Variants in NXPH1 observed in about 807,000 individuals in gnomAD.
NXPH1 encodes the protein neurexophilin 1.
Under a neutral mutation model 23.7 loss-of-function variants are expected in NXPH1, and 5 were observed. The observed-to-expected ratio is 0.21, with a 90% CI of 0.11 to 0.44. NXPH1 has a LOEUF of 0.44. Ranked by LOEUF, NXPH1 falls within the 20% of genes least tolerant of loss-of-function variation. NXPH1 has a pLI of 0.99. For missense variants in NXPH1, 324 were observed against 321.6 expected, an observed-to-expected ratio of 1.01 and a Z score of -0.06; for synonymous variants, 144 against 122.2, an observed-to-expected ratio of 1.18 and a Z score of -1.18.
chr7:8,599,078 G>A (rs1351744999), intron 2 of NXPH1, among the ~76,000 whole-genome samples: 1 of 152,152 alleles, frequency 6.6e-6, no homozygotes, highest in Non-Finnish European at 1.5e-5. Context: ...AATGGAGGCA[G>A]TAGACATGCA....
At chr7:8,616,667 G>C (rs1036792670) in intron 2 of NXPH1, among the ~76,000 whole-genome samples, 1 of 151,802 alleles carries the variant, frequency 6.6e-6, no homozygotes, top group Non-Finnish European at 1.5e-5. Context: ...CAGCCAGGGG[G>C]GACTGAGGGA....
At chr7:8,727,666 C>A (rs1013744371) in intron 2 of NXPH1, among the ~76,000 whole-genome samples, 13 of 152,098 alleles carry the variant, frequency 8.5e-5, no homozygotes, top group Non-Finnish European at 1.5e-4. Flanking sequence ...GGCATTATTT[C>A]TGAGGGCTCT....
intron 2 of NXPH1, among the ~76,000 whole-genome samples, chr7:8,488,477 A>T (rs1181491679): frequency 6.6e-6 from 1 of 152,140 alleles, no homozygotes; most frequent in Non-Finnish European, 1.5e-5. Context: ...ATCTTATAGA[A>T]ATCAAAATGA....
chr7:8,542,139 AG>A (rs1361035292), intron 2 of NXPH1, among the ~76,000 whole-genome samples: 1 of 151,278 alleles, frequency 6.6e-6, no homozygotes, highest in Non-Finnish European at 1.5e-5. Context: ...AAGAAAAAAA[AG>A]AAAAAATATA....
At chr7:8,692,863 G>A (rs1821242921) in intron 2 of NXPH1, among the ~76,000 whole-genome samples, 1 of 152,132 alleles carries the variant, frequency 6.6e-6, no homozygotes, top group Admixed American at 6.5e-5. Flanking sequence ...GACCCATGCT[G>A]AATGAATGTG....
rs574991834 is a variant in NXPH1, at chr7:8,577,755, G to A, written c.54+141988G>A. On this transcript the variant is annotated intron_variant, in intron 2 of 2. Coordinates refer to ENST00000405863, the MANE Select transcript of NXPH1 (RefSeq NM_152745.3). ...GCCTGTGTAACTGAACAAGTATTAC[G>A]GAGGTGATGATGTGTGATTTTCAAG... Among the ~76,000 whole-genome samples, 236 of 152,270 alleles carry A rather than the reference G, an allele frequency of 1.5e-3. 1 individual carries two copies. Among genetic ancestry groups the A allele is most frequent in the African/African-American group, 5.5e-3 (229 of 41,536 alleles).
chr7:8,729,062 T>G (rs1780105016), intron 2 of NXPH1, among the ~76,000 whole-genome samples: 2 of 152,152 alleles, frequency 1.3e-5, no homozygotes, highest in Non-Finnish European at 2.9e-5. Flanking sequence ...CCTGGTTTAG[T>G]CTTGGGAGGG....
chr7:8,556,536 G>A (rs1036611085), intron 2 of NXPH1, among the ~76,000 whole-genome samples: 1 of 151,644 alleles, frequency 6.6e-6, no homozygotes, highest in African/African-American at 2.4e-5. Flanking sequence ...AATGAGTTCC[G>A]AGAATGCTCC....
rs543066401 is a variant in NXPH1 at position 8,723,028 on chromosome 7, T to C, written c.55-27980T>C. Among the ~76,000 whole-genome samples the C allele has an allele frequency of 3.9e-5, 6 of 152,310 alleles. No homozygotes were observed. The South Asian group carries it at 1.2e-3, about 32-fold the overall frequency. On this transcript the variant is annotated intron_variant, in intron 2 of 2. Coordinates refer to ENST00000405863, the MANE Select transcript of NXPH1 (RefSeq NM_152745.3). ...GCCAAAAATGCCTTCAATACTCACA[T>C]TTTAATATCGTTTTAATTTGTGCTG...
intron 2 of NXPH1, among the ~76,000 whole-genome samples, chr7:8,658,870 G>T (rs1820625476): frequency 6.6e-6 from 1 of 152,100 alleles, no homozygotes; most frequent in African/African-American, 2.4e-5. Context: ...GGGTAGTTTA[G>T]TTTTGAATGG....
chr7:8,505,390 G>T (rs996915243), intron 2 of NXPH1, among the ~76,000 whole-genome samples: 2 of 151,834 alleles, frequency 1.3e-5, no homozygotes, highest in Admixed American at 1.3e-4. Context: ...TCTATAATTT[G>T]CCCCAGAGTA....
At chr7:8,587,553 G>A (rs1819003609) in intron 2 of NXPH1, among the ~76,000 whole-genome samples, 1 of 152,002 alleles carries the variant, frequency 6.6e-6, no homozygotes, top group Non-Finnish European at 1.5e-5. Context: ...TGTTACATAG[G>A]CATACACGTG....
intron 2 of NXPH1, among the ~76,000 whole-genome samples, chr7:8,558,326 G>A (rs933437110): frequency 4.0e-5 from 6 of 151,658 alleles, no homozygotes; most frequent in African/African-American, 7.2e-5. Context: ...TAATGGAAGC[G>A]AGTTGTAATT....
At chr7:8,532,460 A>AT (rs1260011264) in intron 2 of NXPH1, among the ~76,000 whole-genome samples, 202 of 36,192 alleles carry the variant, frequency 5.6e-3, no homozygotes, top group Admixed American at 0.01. Flanking sequence ...ATCCTTTCAT[A>AT]TTTTTTTTGG....
At chr7:8,625,899 C>G (rs1324813597) in intron 2 of NXPH1, among the ~76,000 whole-genome samples, 1 of 152,160 alleles carries the variant, frequency 6.6e-6, no homozygotes, top group African/African-American at 2.4e-5. Context: ...AAGTTTCAAA[C>G]AATGAGTCAG....
At chr7:8,445,100 G>C (rs17148792) in intron 2 of NXPH1, among the ~76,000 whole-genome samples, 2,353 of 152,314 alleles carry the variant, frequency 0.015, 62 homozygotes, top group African/African-American at 0.054. Context: ...ATCCAGTGGA[G>C]AGCTCTTTTA....
At chr7:8,594,280 A>T (rs1282390778) in intron 2 of NXPH1, among the ~76,000 whole-genome samples, 2 of 152,008 alleles carry the variant, frequency 1.3e-5, no homozygotes, top group Non-Finnish European at 2.9e-5. Context: ...AAGTGTTTTG[A>T]TATTTACCTT....
intron 2 of NXPH1, among the ~76,000 whole-genome samples, chr7:8,723,708 A>G (rs999858208): frequency 2.0e-5 from 3 of 152,190 alleles, no homozygotes; most frequent in Non-Finnish European, 4.4e-5. Context: ...AAGGATTTGT[A>G]TAGGGTGCTA....
At chr7:8,586,899 C>T (rs182535086) in intron 2 of NXPH1, among the ~76,000 whole-genome samples, 3 of 152,132 alleles carry the variant, frequency 2.0e-5, no homozygotes, top group Admixed American at 1.3e-4. Flanking sequence ...ATGCAATACT[C>T]TATCCCTTAG....
Sources: allele counts gnomAD v4.1 joint callset (sites outside exome capture counted in the v4.1 genomes callset), GRCh38; gene constraint gnomAD v4.1.1; transcripts MANE v1.5; gene names NCBI Gene and HGNC (gene_info 2026-07-23, HGNC 2026-07-21).